The following YAE1 variants were observed in gnomAD, a reference collection of about 807,000 sequenced individuals.
The protein encoded by YAE1 is YAE1 maturation factor of ABCE1.
Under a neutral mutation model 23.0 loss-of-function variants are expected in YAE1, and 22 were observed. That is an observed-to-expected ratio of 0.96 (90% CI 0.68 to 1.37). The LOEUF is 1.37. YAE1 is among the 40% of genes most tolerant of loss of function. YAE1 has a pLI of 0.00. For missense variants in YAE1, 260 were observed against 262.1 expected (o/e 0.99, Z 0.06); for synonymous variants, 101 against 97.0 (o/e 1.04, Z -0.24).
At chr7:39,602,278 A>G (rs374554586) in intron 2 of YAE1, among the ~76,000 whole-genome samples, 43 of 152,342 alleles carry the variant, frequency 2.8e-4, no homozygotes, top group African/African-American at 1.0e-3. Context: ...TAATGCTAGA[A>G]AGGTAGAATA....
chr7:39,580,229 C>T (rs146695280), intron 2 of YAE1, among the ~76,000 whole-genome samples: 9 of 152,316 alleles, frequency 5.9e-5, no homozygotes, highest in Non-Finnish European at 8.8e-5. Context: ...CTTAGACTTT[C>T]TATCCTCCAA....
rs375864611 is a variant in YAE1 at position 39,582,628 on chromosome 7, C to T, written c.251+12001C>T. On this transcript the variant is annotated intron_variant, in intron 2 of 2. Transcript: ENST00000432096. The stretch of plus-strand genomic sequence containing the variant: ...CCACCCCATTTGTCAGCTTAGAGAG[C>T]GTTTTTTATTTCTGTCAGTGTGCTG... Among the ~76,000 whole-genome samples the T allele has an allele frequency of 5.3e-5, 8 of 152,224 alleles. No homozygotes were observed. The East Asian group carries it at 5.8e-4, about 11-fold the overall frequency.
intron 2 of YAE1, among the ~76,000 whole-genome samples, chr7:39,572,067 T>C (rs1322394830): frequency 6.6e-6 from 1 of 152,180 alleles, no homozygotes; most frequent in Admixed American, 6.5e-5. Context: ...AATTTTTCTT[T>C]CTCGGAGTTG....
intron 2 of YAE1, among the ~76,000 whole-genome samples, chr7:39,598,943 T>C (rs1405871076): frequency 6.6e-6 from 1 of 152,088 alleles, no homozygotes; most frequent in African/African-American, 2.4e-5. Flanking sequence ...AGGGATTCTA[T>C]AGCAATGGTA....
chr7:39,576,073 T>TC (rs1229710614), downstream of YAE1, among the ~76,000 whole-genome samples: 1 of 152,218 alleles, frequency 6.6e-6, no homozygotes. Flanking sequence ...CCAGATGATC[T>TC]CACCTATTAA....
At chr7:39,600,383 AT>A (rs1242528210) in intron 2 of YAE1, among the ~76,000 whole-genome samples, 1 of 151,722 alleles carries the variant, frequency 6.6e-6, no homozygotes, top group East Asian at 1.9e-4. Context: ...TATTTATTTT[AT>A]TTATTTTGTA....
intron 2 of YAE1, among the ~76,000 whole-genome samples, chr7:39,579,610 G>T (rs1444188664): frequency 4.0e-5 from 6 of 150,842 alleles, no homozygotes; most frequent in Non-Finnish European, 8.8e-5. Context: ...TGGGGGTGCA[G>T]TGAGCTGAGA....
chr7:39,577,095 C>T (rs1790666370), downstream of YAE1, among the ~76,000 whole-genome samples: 1 of 152,152 alleles, frequency 6.6e-6, no homozygotes, highest in Non-Finnish European at 1.5e-5. Flanking sequence ...GGGGTTTCAT[C>T]ATGTTGGCCA....
intron 2 of YAE1, among the ~76,000 whole-genome samples, chr7:39,608,708 C>G (rs1015078981): frequency 2.0e-5 from 3 of 152,144 alleles, no homozygotes; most frequent in African/African-American, 7.2e-5. Context: ...GGATTTCATT[C>G]TATATTACAG....
chr7:39,580,135 T>A (rs1790719720), intron 2 of YAE1, among the ~76,000 whole-genome samples: 1 of 152,216 alleles, frequency 6.6e-6, no homozygotes, highest in African/African-American at 2.4e-5. Context: ...AAAGAGATGG[T>A]CCCTGCCTAC....
At chr7:39,569,955 T>A in intron 1 of YAE1, 1 of 1,327,600 alleles carries the variant, frequency 7.5e-7, no homozygotes, top group East Asian at 2.3e-5. Context: ...GACATCTACT[T>A]TCACAACATT....
intron 2 of YAE1, among the ~76,000 whole-genome samples, chr7:39,605,767 T>G (rs79063747): frequency 0.015 from 2,227 of 152,316 alleles, 54 homozygotes; most frequent in East Asian, 0.11. Flanking sequence ...TGCAGAACCC[T>G]ATGACATGGG....
intron 2 of YAE1, among the ~76,000 whole-genome samples, chr7:39,582,223 G>T (rs1335313738): frequency 1.3e-5 from 2 of 151,616 alleles, no homozygotes; most frequent in Non-Finnish European, 2.9e-5. Flanking sequence ...TGTTGAGATA[G>T]GGCCTCACTG....
chr7:39,590,878 T>G (rs55856710), intron 2 of YAE1, among the ~76,000 whole-genome samples: 5,382 of 152,332 alleles, frequency 0.035, 134 homozygotes, highest in Non-Finnish European at 0.052. Flanking sequence ...CCTTTCCCAC[T>G]TCTCTATCAC....
chr7:39,576,785 C>T (rs1375843962), downstream of YAE1, among the ~76,000 whole-genome samples: 1 of 151,658 alleles, frequency 6.6e-6, no homozygotes, highest in African/African-American at 2.4e-5. Context: ...ATAGGTGGTG[C>T]TTGATGAGAG....
intron 2 of YAE1, chr7:39,609,501 T>C: frequency 2.2e-6 from 3 of 1,376,292 alleles, no homozygotes; most frequent in Non-Finnish European, 1.9e-6. Flanking sequence ...GAGACAAATC[T>C]TCGTTATAAG....
At chr7:39,585,214 T>G (rs954956267) in intron 2 of YAE1, among the ~76,000 whole-genome samples, 1 of 152,218 alleles carries the variant, frequency 6.6e-6, no homozygotes, top group Non-Finnish European at 1.5e-5. Flanking sequence ...GAAAATATTA[T>G]TTAGGAAAAA....
chr7:39,609,902 C>G (rs766569628), exon 3 of YAE1: 1 of 1,531,162 alleles, frequency 6.5e-7, no homozygotes, highest in South Asian at 1.2e-5. Context: ...CAGCCTGCCC[C>G]GCCTGGCCGC....
intron 2 of YAE1, among the ~76,000 whole-genome samples, chr7:39,571,283 T>C (rs976859295): frequency 6.6e-5 from 10 of 151,504 alleles, no homozygotes; most frequent in South Asian, 4.2e-4. Flanking sequence ...TTTCTTTTTT[T>C]TTTTTTTTTA....
Sources: allele counts gnomAD v4.1 joint callset (sites outside exome capture counted in the v4.1 genomes callset), GRCh38; gene constraint gnomAD v4.1.1; transcripts MANE v1.5; gene names NCBI Gene and HGNC (gene_info 2026-07-23, HGNC 2026-07-21).